Variants in KDM7A observed in about 807,000 individuals in gnomAD.
KDM7A encodes lysine demethylase 7A.
A neutral mutation model predicts 114.8 loss-of-function variants in KDM7A; 28 were observed. The ratio of observed to expected loss-of-function variants is 0.24; its 90% CI spans 0.18 to 0.33. KDM7A has a LOEUF of 0.33. Ranked by LOEUF, KDM7A falls within the 10% of genes least tolerant of loss-of-function variation. KDM7A has a pLI of 1.00. For missense variants in KDM7A, 942 were observed against 1,142.5 expected (o/e 0.82, Z 2.53); for synonymous variants, 423 against 397.8 (o/e 1.06, Z -0.75).
intron 11 of KDM7A, among the ~76,000 whole-genome samples, chr7:140,107,997 CTCT>C (rs1490021569): frequency 2.6e-5 from 4 of 152,152 alleles, no homozygotes; most frequent in Non-Finnish European, 5.9e-5. Flanking sequence ...CTCTAAACTT[CTCT>C]TCTTGCTTCA....
chr7:140,163,396 A>G (rs941915152), intron 1 of KDM7A, among the ~76,000 whole-genome samples: 3 of 152,036 alleles, frequency 2.0e-5, no homozygotes, highest in Admixed American at 2.0e-4. Context: ...CCTGCACTCA[A>G]GCCTCAGCTT....
At chr7:140,140,717 T>C (rs1276014557) in intron 1 of KDM7A, among the ~76,000 whole-genome samples, 4 of 139,510 alleles carry the variant, frequency 2.9e-5, no homozygotes, top group Non-Finnish European at 6.1e-5. Context: ...GAGGTTGCAG[T>C]AGGCAACAGA....
intron 8 of KDM7A, among the ~76,000 whole-genome samples, chr7:140,119,687 A>T (rs1438991782): frequency 6.6e-6 from 1 of 151,294 alleles, no homozygotes; most frequent in African/African-American, 2.4e-5. Context: ...GTACAAAAAG[A>T]CAAGATCCAC....
intron 11 of KDM7A, among the ~76,000 whole-genome samples, chr7:140,108,540 G>C (rs2116766524): frequency 6.6e-6 from 1 of 152,268 alleles, no homozygotes; most frequent in Non-Finnish European, 1.5e-5. Flanking sequence ...ATTTGCTGGA[G>C]GTCCACTCCA....
At position 140,120,433 on chromosome 7, in the gene KDM7A, G is replaced by A. The variant is rs150242448; in HGVS notation, c.1139+9C>T. 8.0e-4 allele frequency: 1,251 copies of A among 1,573,458 alleles called. 5 individuals are homozygous for A. In the African/African-American group the frequency reaches 0.016, roughly 20 times the overall value. The stretch of plus-strand genomic sequence containing the variant: ...GACAAAAGGTCATTTAAATACTGAT[G>A]ACACAAACCTGAGCTGCATGCCAAT... On this transcript the variant is annotated intron_variant, in intron 8 of 19. Transcript: ENST00000397560.
chr7:140,169,199 A>G (rs1794611133), intron 1 of KDM7A, among the ~76,000 whole-genome samples: 1 of 152,176 alleles, frequency 6.6e-6, no homozygotes, highest in African/African-American at 2.4e-5. Context: ...TAACCTTTTC[A>G]TTAATGGAAA....
intron 11 of KDM7A, 140 bp from the exon 12 acceptor site, chr7:140,102,300 G>C: frequency 1.6e-6 from 1 of 639,766 alleles, no homozygotes; most frequent in Non-Finnish European, 2.7e-6. Context: ...TAAATCCTAA[G>C]CTTCAAACAG....
chr7:140,096,085 T>C (rs1210093024), intron 17 of KDM7A, among the ~76,000 whole-genome samples: 1 of 152,172 alleles, frequency 6.6e-6, no homozygotes, highest in Non-Finnish European at 1.5e-5. Context: ...AAACACTATG[T>C]GGCATGCCTA....
At chr7:140,150,970 C>T (rs1443785227) in intron 1 of KDM7A, among the ~76,000 whole-genome samples, 1 of 151,906 alleles carries the variant, frequency 6.6e-6, no homozygotes, top group African/African-American at 2.4e-5. Context: ...CTAAGGATTA[C>T]AGGCATGAGC....
chr7:140,131,311 C>A (rs1818782995), intron 3 of KDM7A, among the ~76,000 whole-genome samples: 1 of 152,192 alleles, frequency 6.6e-6, no homozygotes, highest in Admixed American at 6.5e-5. Context: ...TCCAATGGGG[C>A]ATTCCAGTTT....
intron 11 of KDM7A, among the ~76,000 whole-genome samples, chr7:140,103,710 T>C (rs543552444): frequency 1.4e-4 from 21 of 152,346 alleles, no homozygotes; most frequent in South Asian, 1.0e-3. Context: ...CAGTCTATCA[T>C]TGATGGACAT....
At position 140,108,620 on chromosome 7, in the gene KDM7A, C is replaced by T. The variant is rs150368979; in HGVS notation, c.1428+2475G>A. Among the ~76,000 whole-genome samples the T allele has an allele frequency of 5.7e-4, 87 of 152,330 alleles. No homozygotes were observed. In the East Asian group the frequency reaches 0.016, roughly 27 times the overall value. ...GAACAGCAAAGGTTGCTGCCTGATC[C>T]TTCCTCTGGAAGCTTCGTCTCAGAG... On this transcript the variant is annotated intron_variant, in intron 11 of 19. Coordinates refer to ENST00000397560, the MANE Select transcript of KDM7A (RefSeq NM_030647.2).
At chr7:140,109,470 T>C (rs557871347) in intron 11 of KDM7A, among the ~76,000 whole-genome samples, 1 of 152,356 alleles carries the variant, frequency 6.6e-6, no homozygotes, top group Non-Finnish European at 1.5e-5. Flanking sequence ...ACACTTTATC[T>C]ATTCACCTGC....
At chr7:140,131,847 A>G (rs974217857) in intron 3 of KDM7A, among the ~76,000 whole-genome samples, 1 of 152,202 alleles carries the variant, frequency 6.6e-6, no homozygotes, top group African/African-American at 2.4e-5. Context: ...CAAACTAAAC[A>G]TATATGGGGA....
At chr7:140,161,924 G>C (rs1429598159) in intron 1 of KDM7A, among the ~76,000 whole-genome samples, 1 of 152,146 alleles carries the variant, frequency 6.6e-6, no homozygotes, top group Non-Finnish European at 1.5e-5. Flanking sequence ...GTGAAACAGT[G>C]AATACTCACC....
At chr7:140,131,939 G>T (rs1818793807) in intron 3 of KDM7A, among the ~76,000 whole-genome samples, 1 of 152,080 alleles carries the variant, frequency 6.6e-6, no homozygotes, top group Admixed American at 6.5e-5. Context: ...GCATACATAT[G>T]GAAGGATATC....
chr7:140,138,106 G>A (rs1207117878), intron 2 of KDM7A, among the ~76,000 whole-genome samples: 4 of 152,052 alleles, frequency 2.6e-5, no homozygotes, highest in East Asian at 3.9e-4. Context: ...GGCAGAGTTC[G>A]AGACCAGCCT....
At chr7:140,175,797 C>T (rs556904227) in intron 1 of KDM7A, among the ~76,000 whole-genome samples, 4 of 141,642 alleles carry the variant, frequency 2.8e-5, no homozygotes, top group Admixed American at 2.1e-4. Context: ...AGCGTCCGCC[C>T]GGCCGACTCA....
chr7:140,125,778 C>T (rs986047822), intron 6 of KDM7A, among the ~76,000 whole-genome samples: 6 of 152,076 alleles, frequency 3.9e-5, no homozygotes, highest in South Asian at 2.1e-4. Context: ...CTCTGTTGCC[C>T]AGGCTGGAGT....
Sources: gnomAD v4.1 joint callset for allele counts (sites outside exome capture counted in the v4.1 genomes callset) on GRCh38, gnomAD v4.1.1 for gene constraint, MANE v1.5 for transcripts, NCBI Gene and HGNC (gene_info 2026-07-23, HGNC 2026-07-21) for gene names.